Variants in ABCA1 observed in about 807,000 individuals in gnomAD.
ABCA1 encodes the protein phospholipid-transporting ATPase ABCA1.
Under a neutral mutation model 262.5 loss-of-function variants are expected in ABCA1, and 133 were observed. That is an observed-to-expected ratio of 0.51 (90% CI 0.44 to 0.59). The LOEUF is 0.59. ABCA1 is among the 20% of genes least tolerant of loss of function. The probability of loss-of-function intolerance (pLI) is 0.00; values close to 1 mark genes in which losing one functional copy is unlikely to be tolerated. For synonymous variants in ABCA1, 1,022 were observed against 1,043.5 expected, an observed-to-expected ratio of 0.98 and a Z score of 0.40; for missense variants, 2,452 against 2,777.5, an observed-to-expected ratio of 0.88 and a Z score of 2.63.
At chr9:104,921,037 A>T (rs1033678563) in intron 1 of ABCA1, among the ~76,000 whole-genome samples, 1 of 152,266 alleles carries the variant, frequency 6.6e-6, no homozygotes, top group East Asian at 1.9e-4. Context: ...GTTCTTTTTC[A>T]CCAATATTTG....
Position 104,826,970 on chromosome 9 carries a change from C to T in ABCA1, c.2315G>A (p.Gly772Asp). Residue 772 changes from glycine (G) to aspartate (D), a missense_variant, in exon 16 of 50, where the codon GGC (glycine) becomes GAC (aspartate). By Grantham distance (94) the Gly-to-Asp change is moderately conservative. Coordinates refer to ENST00000374736, the MANE Select transcript of ABCA1 (RefSeq NM_005502.4). ...VLCVAWQDYVGFTLKIFASLL... is the reference protein window; with the variant it reads ...VLCVAWQDYVDFTLKIFASLL... ...CACAGCGAAGATCTTGAGTGTGAAG[C>T]CCACGTAGTCCTGCCATGCCACACA... 6.2e-7 allele frequency: 1 copy of T among 1,614,018 alleles called. No individual in the cohort carries two copies. Among genetic ancestry groups the T allele is most frequent in the East Asian group, 2.2e-5 (1 of 44,890 alleles).
At chr9:104,794,042 C>G (rs899009128) in intron 40 of ABCA1, among the ~76,000 whole-genome samples, 2 of 152,210 alleles carry the variant, frequency 1.3e-5, no homozygotes, top group Non-Finnish European at 2.9e-5. Flanking sequence ...CCTTCTGATT[C>G]CCTGATCACC....
At chr9:104,903,797 C>T (rs1554752302) in intron 1 of ABCA1, 26 bp from the exon 2 acceptor site, 32 of 954,188 alleles carry the variant, frequency 3.4e-5, no homozygotes, top group Non-Finnish European at 1.3e-5. Flanking sequence ...GGAGGGGAAA[C>T]AGCCATCAGT....
chr9:104,829,117 C>T lies in ABCA1; in HGVS notation c.1914G>A (p.Arg638=). Reference sequence around the variant, plus strand: ...CCAGCGTCATGAAGAGGGGCATTGACCGGCTCATCACCCGCAGAAAGCTGG... The same window carrying T: ...CCAGCGTCATGAAGAGGGGCATTGATCGGCTCATCACCCGCAGAAAGCTGG... ...VDDIFLRVMS[R]SMPLFMTLAW... Residue 638 remains arginine (R), a synonymous_variant, in exon 15 of 50, where the codon CGG becomes CGA. Transcript: ENST00000374736. 6.2e-7 allele frequency: 1 copy of T among 1,614,166 alleles called. No homozygotes were observed. The highest frequency in any genetic ancestry group is 8.5e-7 in the Non-Finnish European group (1 of 1,180,048).
intron 1 of ABCA1, among the ~76,000 whole-genome samples, chr9:104,917,959 C>T (rs756869569): frequency 6.6e-6 from 1 of 152,150 alleles, no homozygotes; most frequent in Non-Finnish European, 1.5e-5. Flanking sequence ...TATGATAACT[C>T]ATATTGGTTT....
At position 104,796,134 on chromosome 9, in the gene ABCA1, A is replaced by AC; in HGVS notation, c.5300_5301insG (p.Tyr1767Ter). The AC allele has an allele frequency of 6.2e-7, 1 of 1,614,024 alleles. No homozygotes were observed. Among genetic ancestry groups the AC allele is most frequent in the Non-Finnish European group, 8.5e-7 (1 of 1,180,036 alleles). Residue 1767 changes from tyrosine (Y) to a stop codon, truncating the protein, a stop_gained and frameshift_variant, in exon 39 of 50, where the codon TAT becomes TAGT. Transcript: ENST00000374736. LOFTEE classifies it high-confidence loss of function. ...AGAGGTTCACGCTGGTGAGCACCAC[A>AC]TAGGCTGTGCTGGGGATCTTGAACA... ...SFVFKIPSTA[Y>*]VVLTSVNLFI...
At position 104,814,201 on chromosome 9, in the gene ABCA1, C is replaced by A. The variant is rs151175933; in HGVS notation, c.3818G>T (p.Arg1273Leu). 3 of 1,614,096 alleles carry A rather than the reference C, an allele frequency of 1.9e-6. No individual in the cohort carries two copies. The highest frequency in any genetic ancestry group is 2.7e-5 in the African/African-American group (2 of 74,930). Reference protein sequence around the residue: ...DGTLPARRNRRAFGDKQSCLR... With the variant: ...DGTLPARRNRLAFGDKQSCLR... ...ACAGCTCTGCTTGTCCCCGAAGGCCCGCCTGTTTCGTCTTGCTGGCAAGGT... is the reference window on the plus strand; with the variant it reads ...ACAGCTCTGCTTGTCCCCGAAGGCCAGCCTGTTTCGTCTTGCTGGCAAGGT... The change falls in exon 27 of 50, where the codon CGG (arginine) becomes CTG (leucine). Residue 1273 changes from arginine (R) to leucine (L), a missense_variant. Physicochemically the swap from Arg to Leu is moderately radical, Grantham distance 102 (BLOSUM62 -2). This residue lies in a region of ABCA1 where 665 missense variants were observed against 727.3 expected (regional missense o/e 0.91). Coordinates refer to ENST00000374736, the MANE Select transcript of ABCA1 (RefSeq NM_005502.4).
At chr9:104,811,066 G>A in intron 28 of ABCA1, 142 bp from the exon 29 acceptor site, 1 of 1,263,606 alleles carries the variant, frequency 7.9e-7, no homozygotes, top group Non-Finnish European at 1.1e-6. Context: ...GCCTATGACT[G>A]TGCTGCACCA....
At chr9:104,872,816 G>A (rs913868523) in intron 5 of ABCA1, among the ~76,000 whole-genome samples, 1 of 152,182 alleles carries the variant, frequency 6.6e-6, no homozygotes, top group African/African-American at 2.4e-5. Flanking sequence ...CAGGAGACAC[G>A]CAACACTGTT....
At chr9:104,898,006 T>C (rs1313987210) in intron 2 of ABCA1, among the ~76,000 whole-genome samples, 2 of 152,240 alleles carry the variant, frequency 1.3e-5, no homozygotes, top group African/African-American at 4.8e-5. Context: ...ATCAAAGTAT[T>C]ACTTTCAAAA....
Position 104,805,055 on chromosome 9 carries a change from T to C in ABCA1, c.4465-335A>G, listed in dbSNP as rs969693322. ...CTTCTGTTCACTGGAGTTATACTGATGACTAGATTAGCTGTTATTTTATTC... is the reference window on the plus strand; with the variant it reads ...CTTCTGTTCACTGGAGTTATACTGACGACTAGATTAGCTGTTATTTTATTC... On this transcript the variant is annotated intron_variant, in intron 31 of 49. Transcript: ENST00000374736. Among the ~76,000 whole-genome samples the C allele has an allele frequency of 2.6e-5, 4 of 152,354 alleles. No individual in the cohort carries two copies. The East Asian group carries it at 7.7e-4, about 29-fold the overall frequency.
chr9:104,904,194 C>T (rs1299422313), intron 1 of ABCA1, among the ~76,000 whole-genome samples: 1 of 152,120 alleles, frequency 6.6e-6, no homozygotes, highest in Admixed American at 6.6e-5. Context: ...TTGCCTCAAG[C>T]CTGGAGTGAC....
chr9:104,887,847 C>A (rs1763222992), intron 3 of ABCA1, among the ~76,000 whole-genome samples: 1 of 151,244 alleles, frequency 6.6e-6, no homozygotes, highest in African/African-American at 2.4e-5. Context: ...CTGCCTCAGC[C>A]TCCCCAGTAG....
intron 4 of ABCA1, among the ~76,000 whole-genome samples, 192 bp downstream of exon 4, chr9:104,884,235 G>A (rs534348036): frequency 6.6e-4 from 101 of 152,210 alleles, no homozygotes; most frequent in Middle Eastern, 3.4e-3. Flanking sequence ...ATAAATACTC[G>A]AGGTGATGGA....
At chr9:104,880,627 T>C (rs1838551263) in intron 5 of ABCA1, among the ~76,000 whole-genome samples, 1 of 152,144 alleles carries the variant, frequency 6.6e-6, no homozygotes, top group Non-Finnish European at 1.5e-5. Flanking sequence ...CATTTCCCCC[T>C]ATACTGAAGC....
chr9:104,912,191 A>G (rs550894174), intron 1 of ABCA1, among the ~76,000 whole-genome samples: 1 of 152,368 alleles, frequency 6.6e-6, no homozygotes, highest in South Asian at 2.1e-4. Flanking sequence ...CAAATCTATA[A>G]CTAGCTTTTG....
rs1588177995 is a variant in ABCA1, at chr9:104,782,608, T to C, written c.*1707A>G. On this transcript the variant is annotated 3_prime_UTR_variant, in exon 50 of 50. Transcript: ENST00000374736. ...AGAAAACTCTGAAAAATGCTCCATA[T>C]GGAAGTATTTGTTGTTTTTATATTT... 2 of 152,150 alleles carry C rather than the reference T, an allele frequency of 1.3e-5. No homozygotes were observed. Among genetic ancestry groups the C allele is most frequent in the African/African-American group, 4.8e-5 (2 of 41,446 alleles). The allele number at this position is 152,150 out of a possible 1,614,324, so 9.4% of individuals were successfully genotyped here.
rs576515619 is a variant in ABCA1, at chr9:104,812,599, C to T, written c.4025G>A (p.Arg1342Gln). 4 of 1,614,182 alleles carry T rather than the reference C, an allele frequency of 2.5e-6. No homozygotes were observed. The highest frequency in any genetic ancestry group is 1.3e-5 in the African/African-American group (1 of 75,044). ...CTGAGCAAAAAATCCTTTCCGACTC[C>T]GTCTGGCAATTAGCAGTCTCTTCCA... ...LLWKRLLIARRSRKGFFAQIV... is the reference protein window; with the variant it reads ...LLWKRLLIARQSRKGFFAQIV... Residue 1342 changes from arginine (R) to glutamine (Q), a missense_variant, in exon 28 of 50, where the codon CGG (arginine) becomes CAG (glutamine). Arg to Gln is a conservative substitution (Grantham distance 43). Around this residue, in one of 4 missense-constraint regions of ABCA1, gnomAD observed 665 missense variants for 727.3 expected, o/e 0.91. Transcript: ENST00000374736.
chr9:104,801,716 G>C (rs1181089420), intron 34 of ABCA1, among the ~76,000 whole-genome samples: 1 of 151,692 alleles, frequency 6.6e-6, no homozygotes, highest in Non-Finnish European at 1.5e-5. Context: ...TAATTTTTTT[G>C]TATTTTTAGT....
Sources: allele counts gnomAD v4.1 joint callset (sites outside exome capture counted in the v4.1 genomes callset), GRCh38; gene constraint gnomAD v4.1.1; regional missense constraint gnomAD v4.1.1; transcripts MANE v1.5; gene names NCBI Gene and HGNC (gene_info 2026-07-23, HGNC 2026-07-21).